Variants in AKAP19 observed in about 807,000 individuals in gnomAD.
AKAP19 encodes A-kinase anchoring protein 19.
the AKAP19 span, among the ~76,000 whole-genome samples, chr2:190,183,185 G>T: frequency 2.0e-5 from 3 of 152,104 alleles, no homozygotes; most frequent in Non-Finnish European, 4.4e-5. Context: ...AGAAACTTCA[G>T]TATCAATAAA....
the AKAP19 span, among the ~76,000 whole-genome samples, chr2:189,992,857 C>T: frequency 6.6e-6 from 1 of 152,132 alleles, no homozygotes; most frequent in South Asian, 2.1e-4. Flanking sequence ...GATTTTTGTA[C>T]ATTGATTTTG....
At chr2:189,891,355 C>T in the AKAP19 span, among the ~76,000 whole-genome samples, 1 of 150,074 alleles carries the variant, frequency 6.7e-6, no homozygotes, top group Admixed American at 6.7e-5. Flanking sequence ...TCCCAAGTAG[C>T]TGGGACTACA....
chr2:189,965,949 T>C, the AKAP19 span, among the ~76,000 whole-genome samples: 9 of 150,548 alleles, frequency 6.0e-5, no homozygotes, highest in South Asian at 2.1e-4. Flanking sequence ...TATGTATGTA[T>C]GTATGTGTGT....
At chr2:189,944,734 G>A in the AKAP19 span, among the ~76,000 whole-genome samples, 30 of 152,162 alleles carry the variant, frequency 2.0e-4, no homozygotes, top group East Asian at 5.8e-3. Context: ...CTACACACTA[G>A]ACCAAATTGG....
the AKAP19 span, among the ~76,000 whole-genome samples, chr2:190,155,988 G>C: frequency 1.3e-5 from 2 of 152,020 alleles, no homozygotes; most frequent in Non-Finnish European, 2.9e-5. Context: ...TAGGGTTTTG[G>C]GGAATTGGAT....
chr2:190,098,562 T>A, the AKAP19 span, among the ~76,000 whole-genome samples: 9 of 152,310 alleles, frequency 5.9e-5, no homozygotes, highest in African/African-American at 2.2e-4. Context: ...AGATCTAGCA[T>A]AATTCTTAAG....
At chr2:190,013,702 T>C in the AKAP19 span, among the ~76,000 whole-genome samples, 2,218 of 152,006 alleles carry the variant, frequency 0.015, 54 homozygotes, top group African/African-American at 0.051. Context: ...TTTTTTTTAG[T>C]AGAGACAGGG....
the AKAP19 span, among the ~76,000 whole-genome samples, chr2:189,976,032 G>A: frequency 0.054 from 8,298 of 152,280 alleles, 357 homozygotes; most frequent in Non-Finnish European, 0.084. Context: ...GAGAAGCGGC[G>A]TTCCTTGGAG....
chr2:190,188,166 TC>T, the AKAP19 span, among the ~76,000 whole-genome samples: 1 of 152,138 alleles, frequency 6.6e-6, no homozygotes, highest in African/African-American at 2.4e-5. Flanking sequence ...ATTCTCTTTC[TC>T]CTTTTGATTT....
At chr2:190,031,075 GA>G in the AKAP19 span, among the ~76,000 whole-genome samples, 1 of 152,200 alleles carries the variant, frequency 6.6e-6, no homozygotes, top group African/African-American at 2.4e-5. Context: ...CATCTGCTGA[GA>G]AACAGAAGTG....
the AKAP19 span, among the ~76,000 whole-genome samples, chr2:189,892,484 G>C: frequency 4.6e-5 from 7 of 152,144 alleles, no homozygotes; most frequent in Non-Finnish European, 5.9e-5. Flanking sequence ...CCTTCTAACA[G>C]GCCCCTCTGA....
chr2:190,046,107 T>C, the AKAP19 span, among the ~76,000 whole-genome samples: 1 of 152,204 alleles, frequency 6.6e-6, no homozygotes, highest in South Asian at 2.1e-4. Context: ...TCATTCTCCA[T>C]GGGTCAAGTT....
chr2:189,998,771 C>CTTTTTTTCT, the AKAP19 span, among the ~76,000 whole-genome samples: 1 of 97,546 alleles, frequency 1.0e-5, no homozygotes, highest in Non-Finnish European at 1.9e-5. Flanking sequence ...TTCTTTCTTT[C>CTTTTTTTCT]TTTTTTTTTT....
At chr2:190,001,603 C>T in the AKAP19 span, among the ~76,000 whole-genome samples, 1 of 152,100 alleles carries the variant, frequency 6.6e-6, no homozygotes, top group Admixed American at 6.6e-5. Flanking sequence ...TCTAGGAACT[C>T]CCCATCATCT....
At chr2:189,903,666 A>C in the AKAP19 span, among the ~76,000 whole-genome samples, 8 of 152,154 alleles carry the variant, frequency 5.3e-5, no homozygotes, top group Admixed American at 5.2e-4. Flanking sequence ...TTTTAGATAC[A>C]GGGGGTATAT....
chr2:190,092,945 G>A, the AKAP19 span, among the ~76,000 whole-genome samples: 1 of 152,096 alleles, frequency 6.6e-6, no homozygotes, highest in Admixed American at 6.6e-5. Context: ...TAGAAGCAGA[G>A]GAAAAGGGAA....
At chr2:190,181,079 A>C in the AKAP19 span, 1 of 985,554 alleles carries the variant, frequency 1.0e-6, no homozygotes, top group Non-Finnish European at 1.2e-6. Flanking sequence ...CGGACGTGCC[A>C]TGGGCGCGCA....
the AKAP19 span, chr2:190,200,245 G>C: frequency 1.0e-6 from 1 of 980,148 alleles, no homozygotes; most frequent in Non-Finnish European, 1.6e-6. Context: ...TAACTATCTG[G>C]ATTTAAAAAT....
At chr2:190,011,125 T>A in the AKAP19 span, among the ~76,000 whole-genome samples, 1 of 146,902 alleles carries the variant, frequency 6.8e-6, no homozygotes, top group South Asian at 2.2e-4. Context: ...TGGTGTGATG[T>A]CAACTCACTA....
Sources: allele counts gnomAD v4.1 joint callset (sites outside exome capture counted in the v4.1 genomes callset), GRCh38; gene constraint gnomAD v4.1.1; transcripts MANE v1.5; gene names NCBI Gene and HGNC (gene_info 2026-07-23, HGNC 2026-07-21).